ADGRL3: variants seen among roughly 807,000 people sequenced by gnomAD.
ADGRL3 encodes adhesion G protein-coupled receptor L3, also known as calcium-independent alpha-latrotoxin receptor 3.
In ADGRL3, 62 loss-of-function variants were observed where a neutral mutation model predicts 153.5. The observed-to-expected ratio is 0.40, with a 90% CI of 0.33 to 0.50. The LOEUF is 0.50. ADGRL3 is among the 20% of genes least tolerant of loss of function. ADGRL3 has a pLI of 0.47. For missense variants in ADGRL3, 1,641 were observed against 1,859.4 expected (o/e 0.88, Z 2.16); for synonymous variants, 710 against 672.5 (o/e 1.06, Z -0.86).
At chr4:61,830,950 G>A (rs924582360) in intron 9 of ADGRL3, among the ~76,000 whole-genome samples, 12 of 151,896 alleles carry the variant, frequency 7.9e-5, no homozygotes, top group Non-Finnish European at 1.3e-4. Context: ...GTGCAGTGGC[G>A]CCATCTTGGT....
rs760675067 is a variant in ADGRL3, at chr4:61,632,376, G to A, written c.474-44450G>A. On this transcript the variant is annotated intron_variant, in intron 5 of 26. Coordinates refer to ENST00000683033, the MANE Select transcript of ADGRL3 (RefSeq NM_001387552.1). ...TGTGAGTACTAGCTTGTTCTTTTAA[G>A]TTAATGAAAGAAAGCAATAGTCATC... Among the ~76,000 whole-genome samples the A allele has an allele frequency of 5.5e-4, 84 of 152,096 alleles. 1 individual carries two copies. Among genetic ancestry groups the A allele is most frequent in the Non-Finnish European group, 4.9e-4 (33 of 68,002 alleles).
intron 5 of ADGRL3, among the ~76,000 whole-genome samples, chr4:61,627,160 G>A (rs1560957971): frequency 6.6e-6 from 1 of 151,912 alleles, no homozygotes; most frequent in Non-Finnish European, 1.5e-5. Context: ...TGTATTACTA[G>A]TATTTTGCGG....
At chr4:61,377,418 C>T (rs946156371) in intron 1 of ADGRL3, among the ~76,000 whole-genome samples, 3 of 151,872 alleles carry the variant, frequency 2.0e-5, no homozygotes, top group Non-Finnish European at 4.4e-5. Flanking sequence ...GCATTTTTTC[C>T]CCTAATAATA....
At chr4:61,499,488 A>T (rs2098359718) in intron 3 of ADGRL3, among the ~76,000 whole-genome samples, 1 of 152,186 alleles carries the variant, frequency 6.6e-6, no homozygotes, top group South Asian at 2.1e-4. Flanking sequence ...AGATGACTTA[A>T]ATTAGATTTT....
At chr4:61,400,699 G>A (rs1348640638) in intron 2 of ADGRL3, among the ~76,000 whole-genome samples, 2 of 151,318 alleles carry the variant, frequency 1.3e-5, no homozygotes, top group East Asian at 3.9e-4. Flanking sequence ...CAGAATTATG[G>A]TTTCCATGGT....
chr4:61,407,338 G>T (rs928568034), intron 2 of ADGRL3, among the ~76,000 whole-genome samples: 2 of 151,996 alleles, frequency 1.3e-5, no homozygotes, highest in East Asian at 1.9e-4. Context: ...TCACATATTA[G>T]TTTTCTTTTT....
intron 6 of ADGRL3, among the ~76,000 whole-genome samples, chr4:61,722,290 C>T (rs573706940): frequency 6.0e-4 from 91 of 152,270 alleles, no homozygotes; most frequent in African/African-American, 2.0e-3. Flanking sequence ...ATTGTCTCTA[C>T]CAGAGCTCTT....
intron 2 of ADGRL3, among the ~76,000 whole-genome samples, chr4:61,406,079 A>G (rs936914813): frequency 6.6e-6 from 1 of 152,006 alleles, no homozygotes; most frequent in Non-Finnish European, 1.5e-5. Flanking sequence ...ACACTTATTG[A>G]GAGCGCCCTA....
At chr4:61,644,693 G>T (rs1445120106) in intron 5 of ADGRL3, among the ~76,000 whole-genome samples, 11 of 152,112 alleles carry the variant, frequency 7.2e-5, no homozygotes, top group African/African-American at 7.2e-5. Context: ...GCTGAGAAGA[G>T]CTTTACTTCC....
Position 61,986,002 on chromosome 4 carries a change from T to A in ADGRL3, c.3236+2399T>A, listed in dbSNP as rs144322819. 4.4e-3 allele frequency among the ~76,000 whole-genome samples: 668 copies of A among 151,488 alleles called. 3 individuals carry two copies. The highest frequency in any genetic ancestry group is 0.011 in the African/African-American group (457 of 41,434). On this transcript the variant is annotated intron_variant, in intron 19 of 26. Transcript: ENST00000683033. The stretch of plus-strand genomic sequence containing the variant: ...GTTGATATAGGTTTGTTTTTTTTTT[T>A]AAATAACATCTTTGATATATTCATG...
intron 1 of ADGRL3, among the ~76,000 whole-genome samples, chr4:61,373,242 G>T (rs530830709): frequency 1.3e-5 from 2 of 152,220 alleles, no homozygotes; most frequent in African/African-American, 4.8e-5. Flanking sequence ...GGCCATCTTG[G>T]CTCCTCTAAC....
chr4:61,606,365 A>T (rs1466206047), intron 5 of ADGRL3, among the ~76,000 whole-genome samples: 1 of 152,200 alleles, frequency 6.6e-6, no homozygotes, highest in Admixed American at 6.5e-5. Context: ...AGGCTGCCAT[A>T]ACAAAATACC....
rs1481307735 is a variant in ADGRL3 at position 61,952,780 on chromosome 4, A to G, written c.2805+4504A>G. The stretch of plus-strand genomic sequence containing the variant: ...TTCTACATTCTAGCCTAGGTAATAA[A>G]CTCAGACTCAGAAAAACGAATCAAA... On this transcript the variant is annotated intron_variant, in intron 17 of 26. Coordinates refer to ENST00000683033, the MANE Select transcript of ADGRL3 (RefSeq NM_001387552.1). Among the ~76,000 whole-genome samples the G allele has an allele frequency of 2.0e-5, 3 of 152,278 alleles. No individual in the cohort carries two copies. The East Asian group carries it at 5.8e-4, about 29-fold the overall frequency.
At chr4:61,766,997 G>A (rs1014465931) in intron 8 of ADGRL3, among the ~76,000 whole-genome samples, 1 of 152,084 alleles carries the variant, frequency 6.6e-6, no homozygotes, top group Admixed American at 6.5e-5. Flanking sequence ...TAGCAGGCGA[G>A]TGATAACAGG....
At chr4:61,930,239 T>G (rs534457794) in intron 13 of ADGRL3, among the ~76,000 whole-genome samples, 1 of 151,964 alleles carries the variant, frequency 6.6e-6, no homozygotes, top group African/African-American at 2.4e-5. Flanking sequence ...GCATTCCTTC[T>G]ATTGGGGTAT....
chr4:61,554,334 C>T (rs942091697), intron 4 of ADGRL3, among the ~76,000 whole-genome samples: 5 of 151,870 alleles, frequency 3.3e-5, no homozygotes, highest in African/African-American at 1.2e-4. Flanking sequence ...GCTGGGATTA[C>T]AGGCGCGTGC....
intron 5 of ADGRL3, among the ~76,000 whole-genome samples, chr4:61,618,479 G>T (rs1205826588): frequency 6.6e-6 from 1 of 152,076 alleles, no homozygotes; most frequent in Non-Finnish European, 1.5e-5. Flanking sequence ...GATCTGATCT[G>T]GGCCTACTAG....
chr4:61,911,948 C>A (rs745530081), intron 12 of ADGRL3, among the ~76,000 whole-genome samples: 2 of 152,132 alleles, frequency 1.3e-5, no homozygotes, highest in Non-Finnish European at 2.9e-5. Context: ...ATTTTATCAC[C>A]AGGAAATAAT....
chr4:61,594,499 T>C (rs1318176179), intron 5 of ADGRL3, among the ~76,000 whole-genome samples: 2 of 152,150 alleles, frequency 1.3e-5, no homozygotes, highest in African/African-American at 4.8e-5. Context: ...CCCAATAATG[T>C]TGTGGTTTTT....
Sources: gnomAD v4.1 joint callset for allele counts (sites outside exome capture counted in the v4.1 genomes callset) on GRCh38, gnomAD v4.1.1 for gene constraint, MANE v1.5 for transcripts, NCBI Gene and HGNC (gene_info 2026-07-23, HGNC 2026-07-21) for gene names.